The following TRIM38 variants were observed in gnomAD, a reference collection of about 807,000 sequenced individuals.
TRIM38 encodes the protein tripartite motif containing 38.
In TRIM38, 35 loss-of-function variants were observed where a neutral mutation model predicts 35.8. That is an observed-to-expected ratio of 0.98 (90% CI 0.75 to 1.30). The LOEUF (loss-of-function observed/expected upper bound fraction) is 1.30, where lower values mean the gene tolerates loss of function less well. Among genes scored for constraint, TRIM38 ranks in the 50% most tolerant of loss-of-function variants. The pLI, the probability that TRIM38 is intolerant of heterozygous loss-of-function variation, is 0.00. For synonymous variants in TRIM38, 198 were observed against 204.7 expected (o/e 0.97, Z 0.28); for missense variants, 545 against 556.9 (o/e 0.98, Z 0.21).
At position 25,985,953 on chromosome 6, in the gene TRIM38, T is replaced by C. The variant is rs1247938816; in HGVS notation, c.*2266T>C. ...ATGAATAAAATAAACCTGTGGAAACTATAAGGAAGGCCAGAAGAAATATAA... is the reference window on the plus strand; with the variant it reads ...ATGAATAAAATAAACCTGTGGAAACCATAAGGAAGGCCAGAAGAAATATAA... On this transcript the variant is annotated 3_prime_UTR_variant, in exon 8 of 8. Coordinates refer to ENST00000357085, the MANE Select transcript of TRIM38 (RefSeq NM_006355.5). 1 of 152,076 alleles carries C rather than the reference T, an allele frequency of 6.6e-6. No individual in the cohort carries two copies. Among genetic ancestry groups the C allele is most frequent in the Non-Finnish European group, 1.5e-5 (1 of 68,006 alleles). The allele number at this position is 152,076 out of a possible 1,614,324, so 9.4% of individuals were successfully genotyped here.
chr6:25,967,604 C>T (rs909187047), intron 3 of TRIM38, among the ~76,000 whole-genome samples: 6 of 139,052 alleles, frequency 4.3e-5, no homozygotes, highest in East Asian at 2.4e-4. Context: ...GGTGCAATCT[C>T]GGCTCACTGC....
chr6:25,977,292 C>A (rs1221326628), intron 7 of TRIM38, among the ~76,000 whole-genome samples: 2 of 152,138 alleles, frequency 1.3e-5, no homozygotes, highest in Non-Finnish European at 2.9e-5. Flanking sequence ...GCAGGAGGAT[C>A]TCCTGAGCCC....
intron 7 of TRIM38, among the ~76,000 whole-genome samples, chr6:25,976,567 G>A (rs970019764): frequency 2.6e-5 from 4 of 152,138 alleles, no homozygotes; most frequent in African/African-American, 7.2e-5. Context: ...CACCATCTCC[G>A]GCCTGAAGTT....
rs979988463 is a variant in TRIM38, at chr6:25,990,840, C to T, written c.*7153C>T. ...TCTTAAAATTTTATTATTTATTTCACACCAGGCCATCACTGTGATACATTT... is the reference window on the plus strand; with the variant it reads ...TCTTAAAATTTTATTATTTATTTCATACCAGGCCATCACTGTGATACATTT... On this transcript the variant is annotated 3_prime_UTR_variant, in exon 8 of 8. Coordinates refer to ENST00000357085, the MANE Select transcript of TRIM38 (RefSeq NM_006355.5). 3 of 152,016 alleles carry T rather than the reference C, an allele frequency of 2.0e-5. No individual in the cohort carries two copies. Among genetic ancestry groups the T allele is most frequent in the African/African-American group, 7.2e-5 (3 of 41,398 alleles). The allele number at this position is 152,016 out of a possible 1,614,324, so 9.4% of individuals were successfully genotyped here.
At chr6:25,982,650 C>G (rs987702730) in intron 7 of TRIM38, among the ~76,000 whole-genome samples, 1 of 152,194 alleles carries the variant, frequency 6.6e-6, no homozygotes. Flanking sequence ...TTATTCAATC[C>G]TACCCACCAT....
intron 7 of TRIM38, among the ~76,000 whole-genome samples, chr6:25,982,522 C>A (rs1401966885): frequency 6.6e-6 from 1 of 152,076 alleles, no homozygotes; most frequent in Non-Finnish European, 1.5e-5. Flanking sequence ...TTCCTTTGAC[C>A]CCGCCGGACT....
intron 5 of TRIM38, 28 bp from the exon 6 acceptor site, chr6:25,973,026 C>G: frequency 6.2e-7 from 1 of 1,614,070 alleles, no homozygotes; most frequent in Non-Finnish European, 8.5e-7. Flanking sequence ...TGTTCCCATG[C>G]TCACCTTTTC....
Position 25,973,188 on chromosome 6 carries a change from G to A in TRIM38, c.777G>A (p.Lys259=). Residue 259 remains lysine, a synonymous_variant, in exon 7 of 8, where the codon AAG becomes AAA. Coordinates refer to ENST00000357085, the MANE Select transcript of TRIM38 (RefSeq NM_006355.5). The part of the protein sequence containing the change: ...NDTLSRSWAV[K]LETSEAVSLE... Reference sequence around the variant, plus strand: ...CTTATTCTAGGAGTTGGGCTGTGAAGCTGGAAACATCAGAGGCTGTCTCCT... The same window carrying A: ...CTTATTCTAGGAGTTGGGCTGTGAAACTGGAAACATCAGAGGCTGTCTCCT... 2 of 1,614,202 alleles carry A rather than the reference G, an allele frequency of 1.2e-6. No individual in the cohort carries two copies. Among genetic ancestry groups the A allele is most frequent in the African/African-American group, 1.3e-5 (1 of 75,060 alleles).
chr6:25,976,522 C>T lies in TRIM38; in HGVS notation c.874+3237C>T, dbSNP rs553693237. On this transcript the variant is annotated intron_variant, in intron 7 of 7. Coordinates refer to ENST00000357085, the MANE Select transcript of TRIM38 (RefSeq NM_006355.5). ...CTGGGCTCAAGCAGTCCTCTCGCCT[C>T]GGCCTTCTAAAGTGTTGGGATTACA... Among the ~76,000 whole-genome samples, 443 of 152,330 alleles carry T rather than the reference C, an allele frequency of 2.9e-3. 3 individuals carry two copies. The highest frequency in any genetic ancestry group is 9.7e-3 in the African/African-American group (405 of 41,572).
Position 25,973,041 on chromosome 6 carries a change from TG to T in TRIM38, c.739-12del, listed in dbSNP as rs777377624. ...TGTTCCCATGCTCACCTTTTCTTTT[TG>T]TTTCTTTATAGAATGTGAATGACAC... On this transcript the variant is annotated splice_polypyrimidine_tract_variant and intron_variant, in intron 5 of 7. Transcript: ENST00000357085. 1.9e-6 allele frequency: 3 copies of T among 1,614,176 alleles called. No individual in the cohort carries two copies. The East Asian group carries it at 6.7e-5, about 36-fold the overall frequency.
Position 25,983,607 on chromosome 6 carries a change from G to T in TRIM38, c.1318G>T (p.Ala440Ser). 1 of 1,613,876 alleles carries T rather than the reference G, an allele frequency of 6.2e-7. No individual in the cohort carries two copies. Among genetic ancestry groups the T allele is most frequent in the African/African-American group, 1.3e-5 (1 of 74,962 alleles). Residue 440 changes from alanine to serine, a missense_variant, in exon 8 of 8, where the codon GCT (alanine) becomes TCT (serine). Physicochemically the swap from Ala to Ser is moderately conservative, Grantham distance 99. Transcript: ENST00000357085. Reference sequence around the variant, plus strand: ...CTGCCACATCTTTACTTTCCCGAAGGCTTCCTTCTCTGATACTCTCCGGCC... The same window carrying T: ...CTGCCACATCTTTACTTTCCCGAAGTCTTCCTTCTCTGATACTCTCCGGCC... ...TGCHIFTFPKASFSDTLRPYF... is the reference protein window; with the variant it reads ...TGCHIFTFPKSSFSDTLRPYF...
chr6:25,972,320 C>T (rs1232143879), intron 5 of TRIM38, among the ~76,000 whole-genome samples: 1 of 152,156 alleles, frequency 6.6e-6, no homozygotes, highest in Non-Finnish European at 1.5e-5. Context: ...ATAACATTTA[C>T]CACTGTTTGC....
intron 3 of TRIM38, among the ~76,000 whole-genome samples, chr6:25,967,886 A>G (rs1760112112): frequency 6.6e-6 from 1 of 152,130 alleles, no homozygotes. Flanking sequence ...AACTATCCGT[A>G]TAAGAAAGGG....
At chr6:25,969,559 A>T in intron 4 of TRIM38, 139 bp downstream of exon 4, 1 of 612,204 alleles carries the variant, frequency 1.6e-6, no homozygotes, top group Non-Finnish European at 2.7e-6. Flanking sequence ...AGAAACCATT[A>T]TTTGTACTTA....
In TRIM38 at chr6:25,972,948, A is replaced by C. The variant is rs549511190; in HGVS notation, c.739-106A>C. On this transcript the variant is annotated intron_variant, in intron 5 of 7. Coordinates refer to ENST00000357085, the MANE Select transcript of TRIM38 (RefSeq NM_006355.5). Reference sequence around the variant, plus strand: ...AATATCTAAGACTAAGACTAGGGTAACTCTCTTTACTTCTTCGGGTAAAGC... The same window carrying C: ...AATATCTAAGACTAAGACTAGGGTACCTCTCTTTACTTCTTCGGGTAAAGC... 23 of 1,429,996 alleles carry C rather than the reference A, an allele frequency of 1.6e-5. No homozygotes were observed. In the Admixed American group the frequency reaches 4.2e-4, roughly 26 times the overall value. The allele number at this position is 1,429,996 out of a possible 1,614,324, so 88.6% of individuals were successfully genotyped here.
chr6:25,968,538 A>T (rs963375111), intron 3 of TRIM38, among the ~76,000 whole-genome samples: 3 of 152,252 alleles, frequency 2.0e-5, no homozygotes, highest in Non-Finnish European at 4.4e-5. Flanking sequence ...AGTAAGGACA[A>T]TGTCATCTTT....
intron 2 of TRIM38, among the ~76,000 whole-genome samples, chr6:25,963,948 C>A (rs1377336585): frequency 2.1e-5 from 3 of 144,426 alleles, no homozygotes; most frequent in African/African-American, 7.4e-5. Context: ...CAAAAAACAA[C>A]CGACCTTATT....
Position 25,983,599 on chromosome 6 carries a change from T to C in TRIM38, c.1310T>C (p.Phe437Ser). The C allele has an allele frequency of 1.9e-6, 3 of 1,614,098 alleles. No homozygotes were observed. Among genetic ancestry groups the C allele is most frequent in the Non-Finnish European group, 2.5e-6 (3 of 1,180,020 alleles). ...NGNTGCHIFTFPKASFSDTLR... is the reference protein window; with the variant it reads ...NGNTGCHIFTSPKASFSDTLR... Reference sequence around the variant, plus strand: ...AATACTGGCTGCCACATCTTTACTTTCCCGAAGGCTTCCTTCTCTGATACT... The same window carrying C: ...AATACTGGCTGCCACATCTTTACTTCCCCGAAGGCTTCCTTCTCTGATACT... The change falls in exon 8 of 8, where the codon TTC becomes TCC. Residue 437 changes from phenylalanine to serine, a missense_variant. Phe to Ser is a radical substitution (Grantham distance 155, BLOSUM62 -2). Coordinates refer to ENST00000357085, the MANE Select transcript of TRIM38 (RefSeq NM_006355.5).
chr6:25,977,788 T>C (rs920114958), intron 7 of TRIM38, among the ~76,000 whole-genome samples: 5 of 152,106 alleles, frequency 3.3e-5, no homozygotes, highest in Non-Finnish European at 7.4e-5. Context: ...CTGATAGCAT[T>C]ATAATGATGA....
Sources: gnomAD v4.1 joint callset for allele counts (sites outside exome capture counted in the v4.1 genomes callset) on GRCh38, gnomAD v4.1.1 for gene constraint, MANE v1.5 for transcripts, NCBI Gene and HGNC (gene_info 2026-07-23, HGNC 2026-07-21) for gene names.